Variants in NAALADL2 observed in about 807,000 individuals in gnomAD.
NAALADL2 encodes the protein inactive N-acetylated-alpha-linked acidic dipeptidase-like protein 2.
In NAALADL2, 76 loss-of-function variants were observed where a neutral mutation model predicts 87.2. The ratio of observed to expected loss-of-function variants is 0.87; its 90% CI spans 0.72 to 1.05. NAALADL2 has a LOEUF of 1.05. Among genes scored for constraint, NAALADL2 ranks in the 50% least tolerant of loss-of-function variants. NAALADL2 has a pLI of 0.00. For missense variants in NAALADL2, 1,089 were observed against 945.8 expected (o/e 1.15, Z -1.99); for synonymous variants, 354 against 331.0 (o/e 1.07, Z -0.75).
chr3:175,664,961 C>T (rs754701197), intron 11 of NAALADL2, among the ~76,000 whole-genome samples: 3 of 152,048 alleles, frequency 2.0e-5, no homozygotes, highest in Admixed American at 6.5e-5. Context: ...TTGATGGTCC[C>T]TTAACTTGTA....
chr3:174,518,372 G>A (rs1720060226), intron 1 of NAALADL2, among the ~76,000 whole-genome samples: 1 of 152,128 alleles, frequency 6.6e-6, no homozygotes, highest in African/African-American at 2.4e-5. Flanking sequence ...CTTAGGGATA[G>A]TTTTTTACAT....
At chr3:174,837,664 C>T (rs748685089) in intron 3 of NAALADL2, among the ~76,000 whole-genome samples, 8 of 151,968 alleles carry the variant, frequency 5.3e-5, no homozygotes, top group African/African-American at 7.2e-5. Flanking sequence ...TGTGGTGGTG[C>T]GCACCTATAA....
chr3:175,779,008 A>G (rs865792576), intron 13 of NAALADL2, among the ~76,000 whole-genome samples: 10 of 152,232 alleles, frequency 6.6e-5, no homozygotes, highest in African/African-American at 2.2e-4. Flanking sequence ...GAATGCTTAT[A>G]TATTAGGCTG....
At chr3:174,523,383 A>G (rs1012715732) in intron 1 of NAALADL2, 2 of 152,206 alleles carry the variant, frequency 1.3e-5, no homozygotes, top group South Asian at 2.1e-4. Context: ...TCAAAGTTTT[A>G]TATTCATAAC....
At chr3:174,727,531 T>C (rs901109036) in intron 2 of NAALADL2, among the ~76,000 whole-genome samples, 1 of 152,156 alleles carries the variant, frequency 6.6e-6, no homozygotes, top group Non-Finnish European at 1.5e-5. Context: ...ATGTGTGTTT[T>C]AATTTTATTC....
intron 1 of NAALADL2, among the ~76,000 whole-genome samples, chr3:175,013,301 A>ATATATATATTTTTTTTT (rs1553916905): frequency 1.1e-4 from 8 of 72,072 alleles, no homozygotes; most frequent in Non-Finnish European, 1.4e-4. Flanking sequence ...ATATATATAT[A>ATATATATATTTTTTTTT]TTTTTTTTTT....
At chr3:175,224,371 T>A (rs185781889) in intron 2 of NAALADL2, among the ~76,000 whole-genome samples, 23 of 152,230 alleles carry the variant, frequency 1.5e-4, no homozygotes, top group African/African-American at 5.3e-4. Context: ...CTGTGAAATG[T>A]TTGACTGTGG....
At position 175,627,337 on chromosome 3, in the gene NAALADL2, A is replaced by G. The variant is rs1202800243; in HGVS notation, c.1847A>G (p.Lys616Arg). 5 of 1,573,228 alleles carry G rather than the reference A, an allele frequency of 3.2e-6. No individual in the cohort carries two copies. The highest frequency in any genetic ancestry group is 4.3e-6 in the Non-Finnish European group (5 of 1,156,814). The change falls in exon 11 of 14, where the codon AAA becomes AGA. Residue 616 changes from lysine to arginine, a missense_variant. Coordinates refer to ENST00000454872, the MANE Select transcript of NAALADL2 (RefSeq NM_207015.3). ...SEARFSTRATKIEEMDPSFNL... is the reference protein window; with the variant it reads ...SEARFSTRATRIEEMDPSFNL... ...GCCCGTTTTTCTACACGAGCAACAA[A>G]AATTGAAGAAATGGATCCCTCTTTC... is the stretch of plus-strand genomic sequence containing the variant.
At chr3:174,978,531 G>A (rs1263576632) in intron 1 of NAALADL2, among the ~76,000 whole-genome samples, 1 of 152,156 alleles carries the variant, frequency 6.6e-6, no homozygotes, top group Non-Finnish European at 1.5e-5. Context: ...CCACTCTATA[G>A]ATATACTTGG....
intron 13 of NAALADL2, among the ~76,000 whole-genome samples, chr3:175,763,030 G>C (rs1054868210): frequency 6.6e-6 from 1 of 152,064 alleles, no homozygotes; most frequent in Non-Finnish European, 1.5e-5. Context: ...CTTGCAGTGA[G>C]CCGAGATGGC....
chr3:175,323,663 A>G (rs1760255031), intron 4 of NAALADL2, among the ~76,000 whole-genome samples: 1 of 151,612 alleles, frequency 6.6e-6, no homozygotes, highest in Non-Finnish European at 1.5e-5. Context: ...ACCGGAGGAA[A>G]AAAAAAAAGG....
At chr3:174,991,175 T>C (rs1560450357) in intron 1 of NAALADL2, among the ~76,000 whole-genome samples, 1 of 152,278 alleles carries the variant, frequency 6.6e-6, no homozygotes, top group East Asian at 1.9e-4. Context: ...ATATTTAGTC[T>C]TCATTCATTC....
chr3:175,132,708 G>T (rs1728317176), intron 2 of NAALADL2, among the ~76,000 whole-genome samples: 1 of 144,272 alleles, frequency 6.9e-6, no homozygotes, highest in Non-Finnish European at 1.5e-5. Context: ...GGGCAGAGGG[G>T]CTCCTCACTT....
intron 2 of NAALADL2, among the ~76,000 whole-genome samples, chr3:174,609,612 A>G (rs1672072142): frequency 6.6e-6 from 1 of 152,144 alleles, no homozygotes; most frequent in South Asian, 2.1e-4. Flanking sequence ...TACAAGGGAC[A>G]TGAAGGACCT....
intron 3 of NAALADL2, among the ~76,000 whole-genome samples, chr3:174,781,466 C>T (rs751437271): frequency 1.3e-5 from 2 of 151,368 alleles, no homozygotes; most frequent in African/African-American, 2.4e-5. Context: ...GAATGGAACC[C>T]TCAAAATTTT....
intron 9 of NAALADL2, among the ~76,000 whole-genome samples, chr3:175,559,894 C>T (rs1408884111): frequency 1.3e-5 from 2 of 151,984 alleles, no homozygotes; most frequent in East Asian, 1.9e-4. Flanking sequence ...CTTATAGTTT[C>T]CTTTCTCTTT....
intron 3 of NAALADL2, among the ~76,000 whole-genome samples, chr3:174,805,751 G>A (rs1348189379): frequency 6.6e-6 from 1 of 152,050 alleles, no homozygotes; most frequent in Non-Finnish European, 1.5e-5. Context: ...ATCAAAATTT[G>A]CCATCTTAGA....
At chr3:174,497,600 T>G (rs1387659468) in intron 1 of NAALADL2, among the ~76,000 whole-genome samples, 3 of 150,534 alleles carry the variant, frequency 2.0e-5, no homozygotes, top group Non-Finnish European at 2.9e-5. Flanking sequence ...ATTATTGCAA[T>G]TGCCACATCT....
chr3:174,614,925 T>C (rs1720302583), intron 2 of NAALADL2, among the ~76,000 whole-genome samples: 1 of 152,162 alleles, frequency 6.6e-6, no homozygotes, highest in African/African-American at 2.4e-5. Context: ...TATAATGAAC[T>C]TTTCTCCAGT....
Sources: allele counts gnomAD v4.1 joint callset (sites outside exome capture counted in the v4.1 genomes callset), GRCh38; gene constraint gnomAD v4.1.1; transcripts MANE v1.5; gene names NCBI Gene and HGNC (gene_info 2026-07-23, HGNC 2026-07-21).